TMEM117: variants seen among roughly 807,000 people sequenced by gnomAD.
TMEM117 encodes transmembrane protein 117.
Under a neutral mutation model 52.4 loss-of-function variants are expected in TMEM117, and 27 were observed. The ratio of observed to expected loss-of-function variants is 0.51; its 90% CI spans 0.38 to 0.71. The LOEUF (loss-of-function observed/expected upper bound fraction) is 0.71, where lower values mean the gene tolerates loss of function less well. Ranked by LOEUF, TMEM117 falls within the 30% of genes least tolerant of loss-of-function variation. TMEM117 has a pLI of 0.00. For synonymous variants in TMEM117, 215 were observed against 206.3 expected (o/e 1.04, Z -0.36); for missense variants, 556 against 630.5 (o/e 0.88, Z 1.26).
At chr12:44,030,501 G>A (rs762925444) in intron 3 of TMEM117, among the ~76,000 whole-genome samples, 4 of 152,152 alleles carry the variant, frequency 2.6e-5, no homozygotes, top group Admixed American at 6.5e-5. Context: ...AGTTAACAGT[G>A]TAATGTGTAT....
At chr12:44,212,680 A>T (rs1302562333) in intron 5 of TMEM117, among the ~76,000 whole-genome samples, 1 of 152,136 alleles carries the variant, frequency 6.6e-6, no homozygotes, top group Non-Finnish European at 1.5e-5. Context: ...CGCCCACCAG[A>T]TAAGGGGGAC....
At chr12:43,893,760 A>T (rs1287623921) in intron 2 of TMEM117, among the ~76,000 whole-genome samples, 1 of 152,200 alleles carries the variant, frequency 6.6e-6, no homozygotes, top group Non-Finnish European at 1.5e-5. Context: ...CTAAAACCCT[A>T]ACCCAGACTT....
chr12:44,072,498 G>A (rs1159154061), intron 3 of TMEM117, among the ~76,000 whole-genome samples: 1 of 152,094 alleles, frequency 6.6e-6, no homozygotes, highest in African/African-American at 2.4e-5. Flanking sequence ...TTGCCTGTCT[G>A]GCCAGACACA....
chr12:43,934,768 G>A (rs1944923764), intron 2 of TMEM117, among the ~76,000 whole-genome samples: 3 of 152,174 alleles, frequency 2.0e-5, no homozygotes, highest in South Asian at 2.1e-4. Context: ...TCTGCTCAAT[G>A]TTTTTAAATT....
chr12:44,040,173 A>C (rs1946774960), intron 3 of TMEM117, among the ~76,000 whole-genome samples: 1 of 152,300 alleles, frequency 6.6e-6, no homozygotes, highest in African/African-American at 2.4e-5. Flanking sequence ...GCCATTATAT[A>C]GTATTCCCAC....
intron 2 of TMEM117, among the ~76,000 whole-genome samples, chr12:43,848,812 T>A (rs557934427): frequency 6.6e-6 from 1 of 152,292 alleles, no homozygotes; most frequent in South Asian, 2.1e-4. Flanking sequence ...TAAGATGAAA[T>A]CTTTACAATT....
intron 3 of TMEM117, among the ~76,000 whole-genome samples, chr12:44,029,282 C>T (rs61933031): frequency 3.3e-5 from 5 of 152,124 alleles, no homozygotes; most frequent in African/African-American, 7.2e-5. Flanking sequence ...AAGTCCTTCT[C>T]GGCTAAGAAT....
At chr12:44,143,504 C>G in intron 3 of TMEM117, 21 bp from the exon 4 acceptor site, 5 of 1,583,350 alleles carry the variant, frequency 3.2e-6, no homozygotes, top group Non-Finnish European at 4.3e-6. Flanking sequence ...CGGACAATGT[C>G]TTGTGTGTTT....
intron 4 of TMEM117, among the ~76,000 whole-genome samples, chr12:44,198,345 G>A (rs575360519): frequency 1.2e-4 from 18 of 152,172 alleles, no homozygotes; most frequent in East Asian, 7.7e-4. Flanking sequence ...ATTTAAGCGC[G>A]TGCATAAGAA....
intron 3 of TMEM117, among the ~76,000 whole-genome samples, chr12:44,108,206 TA>T: frequency 6.6e-6 from 1 of 152,036 alleles, no homozygotes; most frequent in East Asian, 1.9e-4. Context: ...TTTATTTATT[TA>T]TTTATTTTTT....
At chr12:44,096,653 CT>C (rs1947769362) in intron 3 of TMEM117, among the ~76,000 whole-genome samples, 1 of 151,934 alleles carries the variant, frequency 6.6e-6, no homozygotes, top group Admixed American at 6.6e-5. Flanking sequence ...GGAAAACTGA[CT>C]AGCCATATGT....
At chr12:43,906,960 G>A (rs1009376266) in intron 2 of TMEM117, among the ~76,000 whole-genome samples, 3 of 152,242 alleles carry the variant, frequency 2.0e-5, no homozygotes, top group Non-Finnish European at 4.4e-5. Flanking sequence ...GGTAAACAAA[G>A]CAGCTGGGAA....
At chr12:43,916,904 A>G in intron 2 of TMEM117, among the ~76,000 whole-genome samples, 1 of 151,218 alleles carries the variant, frequency 6.6e-6, no homozygotes, top group Non-Finnish European at 1.5e-5. Flanking sequence ...TCCCCTCTCT[A>G]CTCCTCCCAG....
intron 5 of TMEM117, among the ~76,000 whole-genome samples, chr12:44,253,750 T>C (rs1950222234): frequency 6.6e-6 from 1 of 151,832 alleles, no homozygotes; most frequent in African/African-American, 2.4e-5. Context: ...TTCAAGGTGA[T>C]GCACTAGTAA....
chr12:44,309,529 A>G (rs1235629058), intron 6 of TMEM117, among the ~76,000 whole-genome samples: 1 of 152,148 alleles, frequency 6.6e-6, no homozygotes, highest in Non-Finnish European at 1.5e-5. Flanking sequence ...TGAAAACACT[A>G]CTGGACTAAA....
chr12:44,140,872 C>T (rs1948561359), intron 3 of TMEM117, among the ~76,000 whole-genome samples: 1 of 152,034 alleles, frequency 6.6e-6, no homozygotes, highest in Non-Finnish European at 1.5e-5. Context: ...AGAGATTTTA[C>T]TTAGTCTTTT....
chr12:43,867,174 A>G (rs191669366), intron 2 of TMEM117, among the ~76,000 whole-genome samples: 1 of 152,342 alleles, frequency 6.6e-6, no homozygotes, highest in African/African-American at 2.4e-5. Flanking sequence ...ACATGATACT[A>G]TAAAATATAT....
At chr12:44,387,928 A>C in intron 7 of TMEM117, 98 bp from the exon 8 acceptor site, 1 of 1,083,928 alleles carries the variant, frequency 9.2e-7, no homozygotes, top group East Asian at 2.5e-5. Flanking sequence ...AAACATTAAC[A>C]ATTGATGTTA....
At chr12:44,097,129 G>A (rs1324803850) in intron 3 of TMEM117, among the ~76,000 whole-genome samples, 3 of 152,122 alleles carry the variant, frequency 2.0e-5, no homozygotes, top group Non-Finnish European at 4.4e-5. Flanking sequence ...CATCATCACT[G>A]GCCATCAGAG....
Sources: allele counts gnomAD v4.1 joint callset (sites outside exome capture counted in the v4.1 genomes callset), GRCh38; gene constraint gnomAD v4.1.1; transcripts MANE v1.5; gene names NCBI Gene and HGNC (gene_info 2026-07-23, HGNC 2026-07-21).